Variants in XBP1 observed in about 807,000 individuals in gnomAD.
XBP1 encodes the protein X-box-binding protein 1.
A neutral mutation model predicts 34.6 loss-of-function variants in XBP1; 18 were observed. The ratio of observed to expected loss-of-function variants is 0.52; its 90% CI spans 0.36 to 0.77. The LOEUF is 0.77. Ranked by LOEUF, XBP1 falls within the 30% of genes least tolerant of loss-of-function variation. The probability of loss-of-function intolerance (pLI) is 0.00; values close to 1 mark genes in which losing one functional copy is unlikely to be tolerated. For missense variants in XBP1, 422 were observed against 464.6 expected (o/e 0.91, Z 0.84); for synonymous variants, 191 against 193.4 (o/e 0.99, Z 0.11).
At chr22:28,795,139 T>C (rs2031720251), downstream of XBP1, 1 of 1,464,438 alleles carries the variant, frequency 6.8e-7, no homozygotes, top group South Asian at 1.5e-5. Flanking sequence ...GGCAGTGTAA[T>C]AGTCAAGGAA....
chr22:28,796,553 C>CCGAG, intron 3 of XBP1: 1 of 191,192 alleles, frequency 5.2e-6, no homozygotes, highest in Admixed American at 5.3e-5. Flanking sequence ...TTGTCCTGAA[C>CCGAG]ATTACCTTCA....
intron 1 of XBP1, 92 bp downstream of exon 1, chr22:28,800,206 C>G: frequency 7.1e-7 from 1 of 1,412,512 alleles, no homozygotes; most frequent in Non-Finnish European, 9.7e-7. Flanking sequence ...TGCGGGGCGG[C>G]CAGTGCTGGG....
intron 1 of XBP1, chr22:28,799,979 G>C (rs1316843263): frequency 1.3e-6 from 1 of 779,486 alleles, no homozygotes; most frequent in Admixed American, 1.7e-5. Context: ...GAGTTAAGAG[G>C]CTGAACCACC....
At chr22:28,795,802 G>T in intron 5 of XBP1, 70 bp from the exon 6 acceptor site, 1 of 1,445,814 alleles carries the variant, frequency 6.9e-7, no homozygotes, top group Non-Finnish European at 9.3e-7. Context: ...GGAACACTTT[G>T]TACTGGGTTC....
Position 28,800,493 on chromosome 22 carries a change from GC to G in XBP1, c.31del (p.Ala11ProfsTer57). 6.7e-7 allele frequency: 1 copy of G among 1,485,962 alleles called. No homozygotes were observed. The highest frequency in any genetic ancestry group is 8.9e-7 in the Non-Finnish European group (1 of 1,128,068). 92.0% of individuals were successfully genotyped at this position (1,485,962 alleles called of 1,614,324 possible). On this transcript the variant is annotated frameshift_variant, in exon 1 of 6. Coordinates refer to ENST00000344347, the Ensembl canonical transcript of XBP1. LOFTEE classifies it high-confidence loss of function. The stretch of plus-strand genomic sequence containing the variant: ...AAGCAGAACTTTAGGGGTCCCGTCG[GC>G]CGGGTTCGGCGCGGCTGCCACCACC...
intron 2 of XBP1, among the ~76,000 whole-genome samples, chr22:28,797,826 AAAAT>A (rs1268667933): frequency 2.0e-5 from 3 of 151,452 alleles, no homozygotes; most frequent in East Asian, 3.8e-4. Flanking sequence ...ATATAAAATA[AAAAT>A]AAATAACTAT....
exon 3 of XBP1, chr22:28,797,117 C>A (rs1472622605): frequency 6.2e-7 from 1 of 1,612,852 alleles, no homozygotes; most frequent in African/African-American, 1.3e-5. Context: ...GGCATCCATC[C>A]CCAAGCGCTG....
chr22:28,798,170 C>G (rs950475526), intron 2 of XBP1, among the ~76,000 whole-genome samples: 2 of 152,214 alleles, frequency 1.3e-5, no homozygotes, highest in African/African-American at 4.8e-5. Flanking sequence ...TAATTTCTTA[C>G]TACAAACTCA....
chr22:28,796,255 G>T, intron 3 of XBP1, 63 bp from the exon 4 acceptor site: 3 of 1,431,876 alleles, frequency 2.1e-6, no homozygotes, highest in Non-Finnish European at 2.8e-6. Context: ...TTGCTAGACA[G>T]CTGTGATTCT....
At chr22:28,798,455 C>G (rs1485046619) in intron 2 of XBP1, among the ~76,000 whole-genome samples, 7 of 151,536 alleles carry the variant, frequency 4.6e-5, no homozygotes, top group Non-Finnish European at 7.4e-5. Flanking sequence ...ATTACAGGTG[C>G]CTGCCACGAC....
intron 2 of XBP1, among the ~76,000 whole-genome samples, chr22:28,798,696 C>G (rs2031797073): frequency 6.6e-6 from 1 of 151,090 alleles, no homozygotes; most frequent in Admixed American, 6.6e-5. Flanking sequence ...TGCAACCTCC[C>G]TCTCCCAGGT....
chr22:28,800,505 G>C (rs750799862), exon 1 of XBP1: 3 of 1,489,440 alleles, frequency 2.0e-6, no homozygotes, highest in Admixed American at 2.4e-5. Flanking sequence ...CGGGTTCGGC[G>C]CGGCTGCCAC....
chr22:28,799,289 C>A, intron 1 of XBP1, 136 bp from the exon 2 acceptor site: 1 of 619,870 alleles, frequency 1.6e-6, no homozygotes, highest in South Asian at 2.2e-5. Context: ...ACTTCAGGCT[C>A]CTCCCCTCAA....
At chr22:28,795,062 T>C, downstream of XBP1, 1 of 1,033,538 alleles carries the variant, frequency 9.7e-7, no homozygotes, top group Non-Finnish European at 1.4e-6. Context: ...AGGAATTCTC[T>C]AGGACTGTAT....
chr22:28,799,895 C>T lies in XBP1; in HGVS notation c.227+403G>A, dbSNP rs2146267848. ...CTCGCAGAATTCCCAGCCCTTTCAA[C>T]AGCTCTGTTATTTCAGCTCCGCGCC... On this transcript the variant is annotated intron_variant, in intron 1 of 5. Coordinates refer to ENST00000344347, the Ensembl canonical transcript of XBP1. 1.2e-5 allele frequency: 9 copies of T among 752,140 alleles called. No individual in the cohort carries two copies. In the South Asian group the frequency reaches 1.3e-4, roughly 11 times the overall value. 46.6% of individuals were successfully genotyped at this position (752,140 alleles called of 1,614,324 possible). A position where few individuals can be genotyped will look rare whatever the true frequency, so the allele number is the denominator to read the frequency against.
At chr22:28,798,250 G>A (rs1229367222) in intron 2 of XBP1, among the ~76,000 whole-genome samples, 1 of 150,138 alleles carries the variant, frequency 6.7e-6, no homozygotes, top group East Asian at 2.0e-4. Context: ...AATCACTTCT[G>A]CCCTCAACAA....
At chr22:28,796,011 T>C in intron 5 of XBP1, 36 bp downstream of exon 5, 1 of 1,612,562 alleles carries the variant, frequency 6.2e-7, no homozygotes, top group Non-Finnish European at 8.5e-7. Context: ...AATTAACTGG[T>C]TATATAGCTC....
chr22:28,800,526 G>C (rs1363999846), upstream of XBP1: 2 of 1,488,518 alleles, frequency 1.3e-6, no homozygotes, highest in South Asian at 2.5e-5. Context: ...CACCACCATA[G>C]CTCCAGACTA....
intron 1 of XBP1, chr22:28,799,985 C>CA (rs1255691340): frequency 2.6e-6 from 2 of 779,486 alleles, no homozygotes; most frequent in Non-Finnish European, 4.8e-6. Flanking sequence ...AGAGGCTGAA[C>CA]CACCAGTCTG....
Sources: gnomAD v4.1 joint callset for allele counts (sites outside exome capture counted in the v4.1 genomes callset) on GRCh38, gnomAD v4.1.1 for gene constraint, MANE v1.5 for transcripts, NCBI Gene and HGNC (gene_info 2026-07-23, HGNC 2026-07-21) for gene names.